The following ABCB9 variants were observed in gnomAD, a reference collection of about 807,000 sequenced individuals.
The protein encoded by ABCB9 is ABC-type oligopeptide transporter ABCB9.
In ABCB9, 36 loss-of-function variants were observed where a neutral mutation model predicts 62.0. The ratio of observed to expected loss-of-function variants is 0.58; its 90% confidence interval spans 0.45 to 0.77. ABCB9 has a LOEUF of 0.77. Ranked by LOEUF, ABCB9 falls within the 30% of genes least tolerant of loss-of-function variation. The pLI is 0.00. For synonymous variants in ABCB9, 435 were observed against 461.4 expected (o/e 0.94, Z 0.73); for missense variants, 943 against 1,054.7 (o/e 0.89, Z 1.47).
chr12:122,931,953 C>T, intron 11 of ABCB9: 2 of 667,182 alleles, frequency 3.0e-6, no homozygotes, highest in East Asian at 2.9e-5. Context: ...CCAGGTCTCC[C>T]CATTCTGATG....
At chr12:122,933,766 G>A (rs2035316709) in intron 10 of ABCB9, among the ~76,000 whole-genome samples, 1 of 151,714 alleles carries the variant, frequency 6.6e-6, no homozygotes, top group Non-Finnish European at 1.5e-5. Context: ...CTTTTAAATT[G>A]ACAAGTAAAA....
intron 5 of ABCB9, among the ~76,000 whole-genome samples, chr12:122,946,696 T>C (rs1364373643): frequency 6.6e-6 from 1 of 152,218 alleles, no homozygotes; most frequent in Admixed American, 6.5e-5. Flanking sequence ...TGAGGGTTGA[T>C]AAAGAGATTC....
chr12:122,933,117 C>T (rs2035276728), intron 10 of ABCB9, among the ~76,000 whole-genome samples: 2 of 152,130 alleles, frequency 1.3e-5, no homozygotes, highest in Non-Finnish European at 2.9e-5. Context: ...GTTCTCAAAC[C>T]CCTGGCCTCA....
chr12:122,936,904 C>CA (rs35685959), intron 9 of ABCB9, among the ~76,000 whole-genome samples: 2,689 of 111,068 alleles, frequency 0.024, 36 homozygotes, highest in Middle Eastern at 0.043. Flanking sequence ...AACTCCATCT[C>CA]AAAAAAAAAA....
At position 122,964,734 on chromosome 12, in the gene ABCB9, G is replaced by A. The variant is rs1206128535; in HGVS notation, c.-88+1553C>T. Reference sequence around the variant, plus strand: ...CACATGGGTGACCTGCTTGGCCTGAGGGACAAGGACAAGGTGGTGGCCAGA... The same window carrying A: ...CACATGGGTGACCTGCTTGGCCTGAAGGACAAGGACAAGGTGGTGGCCAGA... On this transcript the variant is annotated intron_variant, in intron 1 of 11. Coordinates refer to ENST00000280560, the MANE Select transcript of ABCB9 (RefSeq NM_019625.4). The surrounding 1 kb of genome is among the most constrained non-coding windows in gnomAD (Gnocchi z 4.7). Among the ~76,000 whole-genome samples the A allele has an allele frequency of 5.9e-5, 9 of 152,226 alleles. No homozygotes were observed. The highest frequency in any genetic ancestry group is 1.5e-5 in the Non-Finnish European group (1 of 68,038).
At chr12:122,942,629 A>T in intron 7 of ABCB9, among the ~76,000 whole-genome samples, 1 of 151,318 alleles carries the variant, frequency 6.6e-6, no homozygotes, top group African/African-American at 2.4e-5. Flanking sequence ...AAAAAAAAAA[A>T]AAAAAAAAAC....
At chr12:122,969,951 G>A (rs967526357), upstream of ABCB9, among the ~76,000 whole-genome samples, 3 of 152,026 alleles carry the variant, frequency 2.0e-5, no homozygotes, top group East Asian at 1.9e-4. Flanking sequence ...AAGGCAGTTC[G>A]GCAGGTTTTT....
At chr12:122,923,687 A>G (rs2034815279) in intron 11 of ABCB9, among the ~76,000 whole-genome samples, 1 of 152,192 alleles carries the variant, frequency 6.6e-6, no homozygotes, top group South Asian at 2.1e-4. Context: ...GAATTGTAAA[A>G]TACCACACGT....
At position 122,964,579 on chromosome 12, in the gene ABCB9, T is replaced by C. The variant is rs2135929401; in HGVS notation, c.-88+1708A>G. On this transcript the variant is annotated intron_variant, in intron 1 of 11. Coordinates refer to ENST00000280560, the MANE Select transcript of ABCB9 (RefSeq NM_019625.4). This position sits in a 1 kb window ranked among gnomAD's most constrained non-coding sequence, Gnocchi z 4.7. ...CTCGGTGGGGACAGTTACTCCGTTA[T>C]TTTTAAAGCTACTGGGCAGAAGCGT... 6.6e-6 allele frequency among the ~76,000 whole-genome samples: 1 copy of C among 152,344 alleles called. No individual in the cohort carries two copies. Among genetic ancestry groups the C allele is most frequent in the African/African-American group, 2.4e-5 (1 of 41,578 alleles).
In ABCB9 at chr12:122,944,711, A is replaced by G. The variant is rs979429833; in HGVS notation, c.1252-192T>C. 4 of 681,468 alleles carry G rather than the reference A, an allele frequency of 5.9e-6. No individual in the cohort carries two copies. Among genetic ancestry groups the G allele is most frequent in the African/African-American group, 5.4e-5 (3 of 55,244 alleles). 42.2% of individuals were successfully genotyped at this position (681,468 alleles called of 1,614,324 possible). ...TCCCCTGCCCCGAGCATTTCCCTAC[A>G]GAGGCCTCCAGCTGGAGCAGGCTGT... is the stretch of plus-strand genomic sequence containing the variant. On this transcript the variant is annotated intron_variant, in intron 6 of 11. Transcript: ENST00000280560. The surrounding 1 kb of genome is among the most constrained non-coding windows in gnomAD (Gnocchi z 4.9).
chr12:122,956,633 G>A (rs2135895332), intron 2 of ABCB9, among the ~76,000 whole-genome samples: 1 of 152,304 alleles, frequency 6.6e-6, no homozygotes, highest in African/African-American at 2.4e-5. Flanking sequence ...CAATTCTCCT[G>A]CCTCAGCCTC....
Position 122,929,979 on chromosome 12 carries a change from GC to G in ABCB9, c.2232del (p.Leu745PhefsTer15). 6.3e-7 allele frequency: 1 copy of G among 1,578,462 alleles called. No homozygotes were observed. ...YAKLVQRQML[G>X]LQPAADFTAG... ...GCTGTGAAGTCTGCGGCGGGCTGAA[GC>G]CCCAGCATCTGCCGCTGCACCAGCT... On this transcript the variant is annotated frameshift_variant, in exon 12 of 12. Transcript: ENST00000280560. LOFTEE classifies it low-confidence loss of function (END_TRUNC). The surrounding 1 kb of genome is among the most constrained non-coding windows in gnomAD (Gnocchi z 6.0).
intron 4 of ABCB9, chr12:122,949,351 GAACCAGGGCT>G: frequency 5.4e-6 from 1 of 184,270 alleles, no homozygotes; most frequent in South Asian, 1.2e-4. Flanking sequence ...GTGAGTGGAG[GAACCAGGGCT>G]TCGACCCAGG....
intron 2 of ABCB9, among the ~76,000 whole-genome samples, chr12:122,955,103 C>A (rs780318490): frequency 2.6e-5 from 4 of 152,156 alleles, no homozygotes; most frequent in Non-Finnish European, 4.4e-5. Flanking sequence ...GGCCCTAACA[C>A]TGATTAAGTA....
intron 1 of ABCB9, among the ~76,000 whole-genome samples, chr12:122,961,547 G>A (rs2036908498): frequency 6.6e-6 from 1 of 152,142 alleles, no homozygotes; most frequent in African/African-American, 2.4e-5. Context: ...GGTAACACTT[G>A]AGCAAGACTT....
At chr12:122,939,103 C>T (rs1419728751) in intron 9 of ABCB9, among the ~76,000 whole-genome samples, 1 of 151,572 alleles carries the variant, frequency 6.6e-6, no homozygotes, top group Non-Finnish European at 1.5e-5. Context: ...ACCCGGGAGG[C>T]GGAGGCTGCA....
chr12:122,974,259 G>A (rs552558588), intron 1 of ABCB9, among the ~76,000 whole-genome samples: 12 of 152,226 alleles, frequency 7.9e-5, no homozygotes, highest in African/African-American at 2.6e-4. Context: ...CTAGATAGCA[G>A]GGCCTCTCAC....
intron 11 of ABCB9, among the ~76,000 whole-genome samples, chr12:122,922,525 A>G (rs2034773971): frequency 6.6e-6 from 1 of 151,954 alleles, no homozygotes; most frequent in Non-Finnish European, 1.5e-5. Context: ...GACTACAGGC[A>G]TGTGCCACCA....
intron 10 of ABCB9, among the ~76,000 whole-genome samples, chr12:122,933,773 A>G (rs1169524182): frequency 1.3e-5 from 2 of 152,182 alleles, no homozygotes; most frequent in African/African-American, 4.8e-5. Context: ...ATTGACAAGT[A>G]AAAATAGTTT....
Sources: gnomAD v4.1 joint callset for allele counts (sites outside exome capture counted in the v4.1 genomes callset) on GRCh38, gnomAD v4.1.1 for gene constraint, Gnocchi (gnomAD v3.1) non-coding constraint, MANE v1.5 for transcripts, NCBI Gene and HGNC (gene_info 2026-07-23, HGNC 2026-07-21) for gene names.